The following SCHIP1 variants were observed in gnomAD, a reference collection of about 807,000 sequenced individuals.
SCHIP1 encodes schwannomin-interacting protein 1.
A neutral mutation model predicts 29.7 loss-of-function variants in SCHIP1; 8 were observed. The ratio of observed to expected loss-of-function variants is 0.27; its 90% CI spans 0.16 to 0.49. SCHIP1 has a LOEUF of 0.49. Ranked by LOEUF, SCHIP1 falls within the 20% of genes least tolerant of loss-of-function variation. SCHIP1 has a pLI of 0.99. For synonymous variants in SCHIP1, 76 were observed against 94.9 expected (o/e 0.80, Z 1.16); for missense variants, 193 against 294.6 (o/e 0.66, Z 2.52).
At chr3:159,442,953 A>G in the SCHIP1 span, among the ~76,000 whole-genome samples, 1 of 152,214 alleles carries the variant, frequency 6.6e-6, no homozygotes, top group Non-Finnish European at 1.5e-5. Context: ...TAAATGAGAA[A>G]ATAACACACA....
chr3:159,613,536 A>G, the SCHIP1 span, among the ~76,000 whole-genome samples: 1 of 152,186 alleles, frequency 6.6e-6, no homozygotes, highest in Non-Finnish European at 1.5e-5. Flanking sequence ...GTTTGAAGGC[A>G]TTTTCACTAA....
the SCHIP1 span, among the ~76,000 whole-genome samples, chr3:159,681,582 T>C: frequency 6.6e-6 from 1 of 152,244 alleles, no homozygotes; most frequent in Non-Finnish European, 1.5e-5. Flanking sequence ...ACATTACCCA[T>C]ATTACCTTAG....
At chr3:159,396,837 C>A in the SCHIP1 span, among the ~76,000 whole-genome samples, 1 of 151,700 alleles carries the variant, frequency 6.6e-6, no homozygotes, top group East Asian at 1.9e-4. Context: ...TTGTGGTGTT[C>A]TCTGTATTTC....
chr3:159,550,309 C>T, the SCHIP1 span, among the ~76,000 whole-genome samples: 2 of 151,930 alleles, frequency 1.3e-5, no homozygotes, highest in African/African-American at 4.8e-5. Context: ...CTATTATTTA[C>T]TGAATGAAGT....
chr3:159,789,158 A>G, the SCHIP1 span, among the ~76,000 whole-genome samples: 1 of 151,578 alleles, frequency 6.6e-6, no homozygotes. Context: ...GATTGATTTT[A>G]AAGAACTGGT....
chr3:159,783,946 C>T, the SCHIP1 span, among the ~76,000 whole-genome samples: 8 of 152,336 alleles, frequency 5.3e-5, no homozygotes, highest in South Asian at 1.7e-3. Flanking sequence ...GTCAGGTATT[C>T]TCATGCCAGC....
chr3:159,633,621 G>A, the SCHIP1 span, among the ~76,000 whole-genome samples: 6 of 152,208 alleles, frequency 3.9e-5, no homozygotes, highest in East Asian at 1.2e-3. Flanking sequence ...GAATTCAGAG[G>A]GAAGTAATTT....
the SCHIP1 span, among the ~76,000 whole-genome samples, chr3:159,487,643 G>C: frequency 4.6e-5 from 7 of 152,146 alleles, no homozygotes; most frequent in African/African-American, 1.7e-4. Context: ...ACATAAAACT[G>C]AGATTGGAGC....
At chr3:159,441,846 A>C in the SCHIP1 span, among the ~76,000 whole-genome samples, 1 of 151,764 alleles carries the variant, frequency 6.6e-6, no homozygotes, top group South Asian at 2.1e-4. Flanking sequence ...CAAGGATTCT[A>C]TTATTATTAT....
At chr3:159,824,931 C>G in the SCHIP1 span, among the ~76,000 whole-genome samples, 1 of 152,122 alleles carries the variant, frequency 6.6e-6, no homozygotes, top group Non-Finnish European at 1.5e-5. Context: ...CACCTAAACC[C>G]CCATAGTAGA....
the SCHIP1 span, among the ~76,000 whole-genome samples, chr3:159,390,055 C>T: frequency 4.0e-5 from 6 of 151,516 alleles, no homozygotes; most frequent in East Asian, 9.7e-4. Context: ...ATCCTGATTG[C>T]ATATATATAT....
the SCHIP1 span, among the ~76,000 whole-genome samples, chr3:159,829,807 G>A: frequency 6.6e-6 from 1 of 152,182 alleles, no homozygotes; most frequent in Non-Finnish European, 1.5e-5. Context: ...AGGCACATCT[G>A]TTTGGCACAG....
the SCHIP1 span, among the ~76,000 whole-genome samples, chr3:159,475,124 G>T: frequency 6.6e-6 from 1 of 152,066 alleles, no homozygotes; most frequent in Admixed American, 6.6e-5. Flanking sequence ...ATAAAAACTT[G>T]TACATGAATG....
the SCHIP1 span, among the ~76,000 whole-genome samples, chr3:159,434,921 AATG>A: frequency 6.6e-6 from 1 of 152,050 alleles, no homozygotes; most frequent in Non-Finnish European, 1.5e-5. Flanking sequence ...CCACCTGTAA[AATG>A]ATGAGATAGA....
the SCHIP1 span, among the ~76,000 whole-genome samples, chr3:159,535,848 C>A: frequency 2.0e-5 from 3 of 152,104 alleles, no homozygotes; most frequent in Non-Finnish European, 4.4e-5. Flanking sequence ...TATTCTCCAA[C>A]TGTTTATAAA....
the SCHIP1 span, among the ~76,000 whole-genome samples, chr3:159,556,753 C>G: frequency 8.5e-6 from 1 of 117,538 alleles, no homozygotes; most frequent in Non-Finnish European, 1.6e-5. Context: ...GAACATCACA[C>G]TCTGGGGACT....
At chr3:159,694,670 C>T in the SCHIP1 span, among the ~76,000 whole-genome samples, 1 of 152,014 alleles carries the variant, frequency 6.6e-6, no homozygotes, top group Non-Finnish European at 1.5e-5. Context: ...TAATCCAAAT[C>T]CCCTAAATTT....
the SCHIP1 span, among the ~76,000 whole-genome samples, chr3:159,742,862 T>C: frequency 1.4e-5 from 2 of 140,052 alleles, no homozygotes; most frequent in Non-Finnish European, 3.1e-5. Context: ...TTTTTTTGGA[T>C]TTTTAGTAGA....
At chr3:159,541,247 A>C in the SCHIP1 span, among the ~76,000 whole-genome samples, 1 of 152,108 alleles carries the variant, frequency 6.6e-6, no homozygotes, top group Admixed American at 6.6e-5. Context: ...AGTATCAGCA[A>C]GCCCATTCAG....
Sources: allele counts gnomAD v4.1 joint callset (sites outside exome capture counted in the v4.1 genomes callset), GRCh38; gene constraint gnomAD v4.1.1; transcripts MANE v1.5; gene names NCBI Gene and HGNC (gene_info 2026-07-23, HGNC 2026-07-21).